The following DPP10 variants were observed in gnomAD, a reference collection of about 807,000 sequenced individuals.
DPP10 encodes the protein dipeptidyl peptidase like 10.
Under a neutral mutation model 120.9 loss-of-function variants are expected in DPP10, and 33 were observed. The ratio of observed to expected loss-of-function variants is 0.27; its 90% CI spans 0.21 to 0.37. The LOEUF (loss-of-function observed/expected upper bound fraction) is 0.37. DPP10 is among the 10% of genes least tolerant of loss of function. The pLI is 1.00. For missense variants in DPP10, 816 were observed against 942.8 expected, an observed-to-expected ratio of 0.87 and a Z score of 1.76; for synonymous variants, 337 against 326.1, an observed-to-expected ratio of 1.03 and a Z score of -0.36.
intron 1 of DPP10, among the ~76,000 whole-genome samples, chr2:114,617,546 C>G (rs1325495196): frequency 2.0e-5 from 3 of 152,008 alleles, no homozygotes; most frequent in Non-Finnish European, 1.5e-5. Flanking sequence ...GTACTTAGGA[C>G]TCATGCTAAA....
intron 1 of DPP10, among the ~76,000 whole-genome samples, chr2:114,713,267 C>T (rs188026843): frequency 1.3e-5 from 2 of 152,084 alleles, no homozygotes; most frequent in African/African-American, 2.4e-5. Flanking sequence ...GGATTACAGG[C>T]GTGAGCCACC....
At chr2:115,494,442 C>T (rs930335662) in intron 3 of DPP10, among the ~76,000 whole-genome samples, 1 of 151,988 alleles carries the variant, frequency 6.6e-6, no homozygotes, top group African/African-American at 2.4e-5. Flanking sequence ...TTCTAATGGC[C>T]TCAGTTTCTT....
intron 1 of DPP10, among the ~76,000 whole-genome samples, chr2:114,451,169 C>G (rs1678254329): frequency 6.6e-6 from 1 of 151,698 alleles, no homozygotes; most frequent in African/African-American, 2.4e-5. Context: ...CAAGGATGGA[C>G]AGCTATGGCA....
Position 114,864,267 on chromosome 2 carries a change from A to G in DPP10, c.60+421429A>G, listed in dbSNP as rs186424461. Among the ~76,000 whole-genome samples, 369 of 152,274 alleles carry G rather than the reference A, an allele frequency of 2.4e-3. 1 individual carries two copies. Among genetic ancestry groups the G allele is most frequent in the African/African-American group, 8.5e-3 (355 of 41,562 alleles). On this transcript the variant is annotated intron_variant, in intron 1 of 25. Coordinates refer to ENST00000410059, the MANE Select transcript of DPP10 (RefSeq NM_020868.6). ...TCAATGTGAAATTTGCAGTGAATAC[A>G]AGGATGGATAAACAACTCTTGAGTG...
At chr2:115,437,124 C>T (rs2071569937) in intron 3 of DPP10, among the ~76,000 whole-genome samples, 1 of 151,906 alleles carries the variant, frequency 6.6e-6, no homozygotes, top group African/African-American at 2.4e-5. Context: ...CCAAAATCCT[C>T]TAATCTGGCC....
intron 12 of DPP10, among the ~76,000 whole-genome samples, chr2:115,765,204 T>G (rs950226828): frequency 1.3e-5 from 2 of 152,072 alleles, no homozygotes; most frequent in Non-Finnish European, 2.9e-5. Flanking sequence ...CTGAACTACT[T>G]CTAAGGTACT....
Position 114,452,806 on chromosome 2 carries a change from C to T in DPP10, c.60+9968C>T, listed in dbSNP as rs1483162931. ...AATATCATGGCCTAGAACCCAGCCT[C>T]TTTGTGTCTTTCTGCTTTGTTTTTC... On this transcript the variant is annotated intron_variant, in intron 1 of 25. Coordinates refer to ENST00000410059, the MANE Select transcript of DPP10 (RefSeq NM_020868.6). 2.0e-5 allele frequency among the ~76,000 whole-genome samples: 3 copies of T among 152,154 alleles called. No individual in the cohort carries two copies. In the East Asian group the frequency reaches 5.8e-4, roughly 29 times the overall value.
At chr2:115,162,065 G>C (rs1174070153) in intron 1 of DPP10, 1 of 1,454,850 alleles carries the variant, frequency 6.9e-7, no homozygotes, top group Admixed American at 2.6e-5. Flanking sequence ...CCTCCCGGGA[G>C]GGGTGGCTCC....
chr2:114,979,915 G>A (rs570846734), intron 1 of DPP10, among the ~76,000 whole-genome samples: 1 of 152,166 alleles, frequency 6.6e-6, no homozygotes, highest in Non-Finnish European at 1.5e-5. Flanking sequence ...GCAAAAGTCG[G>A]TTGGTATCTT....
chr2:115,056,166 C>T (rs1705889396), intron 1 of DPP10, among the ~76,000 whole-genome samples: 1 of 152,050 alleles, frequency 6.6e-6, no homozygotes, highest in Non-Finnish European at 1.5e-5. Context: ...ACATACGGAT[C>T]CTTAAACAAC....
At chr2:115,403,381 CTTTTTTTTTTTTTTTTTTTTT>C (rs78116780) in intron 3 of DPP10, among the ~76,000 whole-genome samples, 9 of 118,468 alleles carry the variant, frequency 7.6e-5, no homozygotes, top group South Asian at 5.7e-4. Flanking sequence ...TTCTTTCCTT[CTTTTTTTTTTTTTTTTTTTTT>C]TTTTTTTTTT....
rs370052176 is a variant in DPP10 at position 115,108,452 on chromosome 2, A to G, written c.61-200787A>G. 2.8e-4 allele frequency among the ~76,000 whole-genome samples: 42 copies of G among 152,344 alleles called. 1 individual carries two copies. Among genetic ancestry groups the G allele is most frequent in the African/African-American group, 1.0e-3 (42 of 41,588 alleles). On this transcript the variant is annotated intron_variant, in intron 1 of 25. Coordinates refer to ENST00000410059, the MANE Select transcript of DPP10 (RefSeq NM_020868.6). ...GTAAAATCTATCTTTCCAACATAGA[A>G]GAAGTCAGAAATCCAATTCTTTATG...
chr2:115,187,599 A>T (rs1432425976), intron 1 of DPP10, among the ~76,000 whole-genome samples: 10 of 152,174 alleles, frequency 6.6e-5, no homozygotes, highest in Non-Finnish European at 1.0e-4. Context: ...GAAGTTTGGG[A>T]GTTCAATAAC....
chr2:115,651,908 A>G (rs1329199130), intron 5 of DPP10, among the ~76,000 whole-genome samples: 3 of 152,068 alleles, frequency 2.0e-5, no homozygotes, highest in East Asian at 1.9e-4. Flanking sequence ...TCTGTTAACT[A>G]TAAAATATAA....
intron 1 of DPP10, among the ~76,000 whole-genome samples, chr2:115,016,669 C>T (rs1476765536): frequency 2.0e-5 from 3 of 150,786 alleles, no homozygotes; most frequent in African/African-American, 4.9e-5. Context: ...AAAAAAAAAA[C>T]AACCCATCAA....
intron 1 of DPP10, among the ~76,000 whole-genome samples, chr2:114,558,293 GAC>G (rs1460069164): frequency 1.4e-4 from 21 of 152,272 alleles, no homozygotes; most frequent in African/African-American, 4.8e-4. Context: ...CAAAATTCAT[GAC>G]TCTCTCCTAC....
chr2:115,539,676 T>A (rs1333514221), intron 5 of DPP10, among the ~76,000 whole-genome samples: 1 of 151,960 alleles, frequency 6.6e-6, no homozygotes, highest in South Asian at 2.1e-4. Context: ...TGGACCTTGA[T>A]TTTTCTTGCT....
chr2:115,211,812 G>A lies in DPP10; in HGVS notation c.61-97427G>A, dbSNP rs1190907501. Among the ~76,000 whole-genome samples the A allele has an allele frequency of 2.0e-5, 3 of 152,024 alleles. No individual in the cohort carries two copies. In the East Asian group the frequency reaches 5.8e-4, roughly 29 times the overall value. On this transcript the variant is annotated intron_variant, in intron 1 of 25. Transcript: ENST00000410059. ...TTAAATACAATGGTAGATAAACTAA[G>A]TTAGAGATGTGTGCGTGTGTGTGTC...
At chr2:115,004,508 C>T (rs889555018) in intron 1 of DPP10, among the ~76,000 whole-genome samples, 27 of 152,238 alleles carry the variant, frequency 1.8e-4, no homozygotes, top group East Asian at 3.9e-4. Context: ...TCAGTGGGTG[C>T]GTGCACCGTG....
Sources: gnomAD v4.1 joint callset for allele counts (sites outside exome capture counted in the v4.1 genomes callset) on GRCh38, gnomAD v4.1.1 for gene constraint, MANE v1.5 for transcripts, NCBI Gene and HGNC (gene_info 2026-07-23, HGNC 2026-07-21) for gene names.